Variants in XNDC1N observed in about 807,000 individuals in gnomAD.
The protein encoded by XNDC1N is protein XNDC1N.
the XNDC1N span, among the ~76,000 whole-genome samples, chr11:71,872,921 G>T: frequency 6.6e-6 from 1 of 152,084 alleles, no homozygotes; most frequent in Non-Finnish European, 1.5e-5. Context: ...AGGGTTTAAA[G>T]GATTCTATCA....
the XNDC1N span, among the ~76,000 whole-genome samples, chr11:71,912,196 G>A: frequency 2.6e-4 from 39 of 152,260 alleles, no homozygotes; most frequent in Non-Finnish European, 4.6e-4. Flanking sequence ...CAGCCGTTCC[G>A]CCCGGCATAC....
chr11:71,882,722 C>A, the XNDC1N span, among the ~76,000 whole-genome samples: 1 of 152,278 alleles, frequency 6.6e-6, no homozygotes, highest in Admixed American at 6.5e-5. Flanking sequence ...ATTTATTTAA[C>A]ATGATTCTAA....
chr11:71,890,195 C>A, the XNDC1N span, among the ~76,000 whole-genome samples: 1 of 150,780 alleles, frequency 6.6e-6, no homozygotes, highest in South Asian at 2.1e-4. Context: ...CCTCCTCCCC[C>A]GGCCCCGGAT....
At chr11:71,877,696 C>T in the XNDC1N span, among the ~76,000 whole-genome samples, 14 of 152,312 alleles carry the variant, frequency 9.2e-5, no homozygotes, top group East Asian at 5.8e-4. Flanking sequence ...GCATTCCCTA[C>T]GGCACCCAAA....
At chr11:71,885,705 AT>A in the XNDC1N span, among the ~76,000 whole-genome samples, 4 of 152,088 alleles carry the variant, frequency 2.6e-5, no homozygotes, top group South Asian at 8.3e-4. Flanking sequence ...CTCATTTATT[AT>A]TAACATGAAT....
chr11:71,898,337 T>C, the XNDC1N span, among the ~76,000 whole-genome samples: 1 of 152,176 alleles, frequency 6.6e-6, no homozygotes, highest in Non-Finnish European at 1.5e-5. Context: ...CCAGTCTCAG[T>C]GGCTCGCACA....
the XNDC1N span, among the ~76,000 whole-genome samples, chr11:71,912,556 C>A: frequency 2.0e-5 from 3 of 152,188 alleles, no homozygotes; most frequent in East Asian, 5.8e-4. Context: ...TTGGGAGTAA[C>A]ATCATCCTCT....
chr11:71,911,477 G>A, the XNDC1N span, among the ~76,000 whole-genome samples: 3 of 152,154 alleles, frequency 2.0e-5, no homozygotes, highest in East Asian at 5.8e-4. Context: ...AACCCCCAAG[G>A]AGAGAGAGGT....
chr11:71,905,806 G>A, the XNDC1N span, among the ~76,000 whole-genome samples: 4 of 152,114 alleles, frequency 2.6e-5, no homozygotes, highest in African/African-American at 9.6e-5. Flanking sequence ...CACCAACTGT[G>A]ATATTAGGAG....
chr11:71,923,204 C>T, the XNDC1N span: 4 of 688,750 alleles, frequency 5.8e-6, no homozygotes, highest in African/African-American at 7.2e-5. Context: ...CTCACAATGT[C>T]TCTTCTATTA....
the XNDC1N span, among the ~76,000 whole-genome samples, chr11:71,885,136 G>A: frequency 2.0e-5 from 3 of 150,884 alleles, no homozygotes; most frequent in African/African-American, 7.5e-5. Context: ...GTCTGTATTG[G>A]GTGTCATATC....
At chr11:71,865,857 G>C in the XNDC1N span, 1 of 443,584 alleles carries the variant, frequency 2.3e-6, no homozygotes, top group Non-Finnish European at 4.4e-6. Flanking sequence ...TCTCCCACCT[G>C]TGAGCAAAAA....
chr11:71,892,208 C>T, the XNDC1N span, among the ~76,000 whole-genome samples: 1 of 152,138 alleles, frequency 6.6e-6, no homozygotes, highest in Non-Finnish European at 1.5e-5. Flanking sequence ...ACATGGTGTA[C>T]ACTCACTGTG....
At chr11:71,928,316 T>A in the XNDC1N span, 2 of 611,722 alleles carry the variant, frequency 3.3e-6, no homozygotes, top group Non-Finnish European at 5.8e-6. Flanking sequence ...GCCACCCTCC[T>A]CCCTCTCGGC....
the XNDC1N span, among the ~76,000 whole-genome samples, chr11:71,908,279 TAATG>T: frequency 4.6e-5 from 7 of 152,034 alleles, no homozygotes; most frequent in Non-Finnish European, 5.9e-5. Context: ...GACTGTTTTC[TAATG>T]AATAAGATCA....
At chr11:71,925,534 A>G in the XNDC1N span, among the ~76,000 whole-genome samples, 48 of 152,332 alleles carry the variant, frequency 3.2e-4, no homozygotes, top group African/African-American at 1.1e-3. Flanking sequence ...TAGGGCTCAG[A>G]TTAATTAAAG....
At chr11:71,909,236 T>C in the XNDC1N span, among the ~76,000 whole-genome samples, 1 of 151,798 alleles carries the variant, frequency 6.6e-6, no homozygotes, top group African/African-American at 2.4e-5. Flanking sequence ...TAAACAGGGA[T>C]GCAGTAAGCC....
the XNDC1N span, among the ~76,000 whole-genome samples, chr11:71,887,687 C>G: frequency 6.6e-6 from 1 of 152,298 alleles, no homozygotes; most frequent in East Asian, 1.9e-4. Context: ...TGTTCCTTGT[C>G]GGTCTCCATG....
At chr11:71,870,599 T>G in the XNDC1N span, among the ~76,000 whole-genome samples, 1 of 152,174 alleles carries the variant, frequency 6.6e-6, no homozygotes, top group Non-Finnish European at 1.5e-5. Context: ...AGAGACAGTC[T>G]ACAGATTGGG....
Sources: allele counts gnomAD v4.1 joint callset (sites outside exome capture counted in the v4.1 genomes callset), GRCh38; gene constraint gnomAD v4.1.1; transcripts MANE v1.5; gene names NCBI Gene and HGNC (gene_info 2026-07-23, HGNC 2026-07-21).